PAK3: variants seen among roughly 807,000 people sequenced by gnomAD.
The protein encoded by PAK3 is p21 (RAC1) activated kinase 3.
A neutral mutation model predicts 41.0 loss-of-function variants in PAK3; 4 were observed. The ratio of observed to expected loss-of-function variants is 0.10; its 90% CI spans 0.05 to 0.22. The LOEUF is 0.22. Among genes scored for constraint, PAK3 ranks in the 10% least tolerant of loss-of-function variants. PAK3 has a pLI of 1.00. For synonymous variants in PAK3, 146 were observed against 139.6 expected, an observed-to-expected ratio of 1.05 and a Z score of -0.32; for missense variants, 205 against 409.9, an observed-to-expected ratio of 0.50 and a Z score of 4.32.
intron 16 of PAK3, 120 bp from the exon 17 acceptor site, chrX:111,216,301 C>G: frequency 3.8e-6 from 2 of 531,154 alleles, no homozygotes; most frequent in East Asian, 6.7e-5. Flanking sequence ...GTGTCATTCT[C>G]TAAAGTGGAA....
intron 1 of PAK3, among the ~76,000 whole-genome samples, chrX:111,035,141 AAG>A (rs1488462584): frequency 2.8e-5 from 1 of 36,132 alleles, no homozygotes; most frequent in Non-Finnish European, 7.9e-5. Flanking sequence ...AAAAGAAAGA[AAG>A]AAAGAAAGAA....
At chrX:111,088,315 T>C (rs937513881) in intron 1 of PAK3, among the ~76,000 whole-genome samples, 1 of 111,885 alleles carries the variant, frequency 8.9e-6, no homozygotes, top group African/African-American at 3.3e-5. Context: ...AAATACGTTG[T>C]CCAAGGTTAT....
At chrX:111,154,766 A>G (rs150131383) in intron 8 of PAK3, among the ~76,000 whole-genome samples, 18,070 of 110,767 alleles carry the variant, frequency 0.16, 3,131 homozygotes, top group African/African-American at 0.52. Flanking sequence ...AGGAAAATGG[A>G]AAGGACAAAA....
chrX:110,957,310 C>T (rs1363386055), intron 1 of PAK3, among the ~76,000 whole-genome samples: 1 of 111,878 alleles, frequency 8.9e-6, no homozygotes, highest in African/African-American at 3.3e-5. Flanking sequence ...ATTATAATAC[C>T]AGCTAACATA....
chrX:111,052,892 A>T (rs753621364), intron 1 of PAK3, among the ~76,000 whole-genome samples: 2 of 112,301 alleles, frequency 1.8e-5, no homozygotes, highest in African/African-American at 3.2e-5. Flanking sequence ...GCATGAAAAA[A>T]CAGCATATAT....
At chrX:111,174,375 A>G (rs1388056359) in intron 11 of PAK3, among the ~76,000 whole-genome samples, 1 of 111,094 alleles carries the variant, frequency 9.0e-6, no homozygotes, top group African/African-American at 3.3e-5. Context: ...CCTAAGGGGG[A>G]CAGAAACTCA....
chrX:111,036,763 C>A (rs768542529), intron 1 of PAK3, among the ~76,000 whole-genome samples: 19 of 111,091 alleles, frequency 1.7e-4, no homozygotes, highest in Non-Finnish European at 3.4e-4. Context: ...TCATTTAGTC[C>A]CCCGATTAAA....
intron 1 of PAK3, among the ~76,000 whole-genome samples, chrX:110,960,883 C>G (rs1602545545): frequency 8.9e-6 from 1 of 111,758 alleles, no homozygotes; most frequent in Non-Finnish European, 1.9e-5. Context: ...TCATCTAAAT[C>G]TCTCATCTGT....
intron 1 of PAK3, among the ~76,000 whole-genome samples, chrX:111,064,264 A>G (rs1240333561): frequency 1.8e-5 from 2 of 111,768 alleles, no homozygotes; most frequent in Non-Finnish European, 3.8e-5. Context: ...AGATCATTTT[A>G]TTTATTTACT....
At chrX:111,194,279 G>A (rs369735569) in intron 13 of PAK3, 22 bp from the exon 14 acceptor site, 5 of 950,887 alleles carry the variant, frequency 5.3e-6, no homozygotes, top group Non-Finnish European at 7.6e-6. Flanking sequence ...ATAAGGCAAA[G>A]TCTTTTCTTT....
At chrX:111,170,559 C>G (rs1407461545) in intron 10 of PAK3, among the ~76,000 whole-genome samples, 1 of 111,257 alleles carries the variant, frequency 9.0e-6, no homozygotes, top group East Asian at 2.8e-4. Context: ...TTTTCTTGTT[C>G]TCATTCATTT....
intron 4 of PAK3, among the ~76,000 whole-genome samples, chrX:111,122,557 A>G (rs2148999692): frequency 9.0e-6 from 1 of 111,152 alleles, no homozygotes; most frequent in East Asian, 2.8e-4. Flanking sequence ...TATCATAAAA[A>G]CAGGAGAGTG....
Position 111,123,065 on chromosome X carries a change from CCTTTT to C in PAK3, c.-27-7_-27-3del, listed in dbSNP as rs1569362901. The C allele has an allele frequency of 9.1e-7, 1 of 1,097,535 alleles. No individual in the cohort carries two copies. The allele number at this position is 1,097,535 out of a possible 1,213,427, so 90.4% of individuals were successfully genotyped here. ...CTCCCTCAACTCCTTTTTTTTCCCTCCTTTTCTTTAGGAGCTGTGAAATTAGTTGT... is the reference window on the plus strand; with the variant it reads ...CTCCCTCAACTCCTTTTTTTTCCCTCCTTTAGGAGCTGTGAAATTAGTTGT... On this transcript the variant is annotated splice_polypyrimidine_tract_variant and splice_region_variant and intron_variant, in intron 4 of 17. Coordinates refer to ENST00000372007, the MANE Select transcript of PAK3 (RefSeq NM_002578.5).
At chrX:111,002,989 G>T (rs910392908) in intron 1 of PAK3, among the ~76,000 whole-genome samples, 17 of 111,987 alleles carry the variant, frequency 1.5e-4, no homozygotes, top group African/African-American at 5.2e-4. Context: ...ACCAACTGGG[G>T]CTGGGGCCCT....
intron 4 of PAK3, among the ~76,000 whole-genome samples, chrX:111,106,401 C>T (rs2093266027): frequency 9.0e-6 from 1 of 111,504 alleles, no homozygotes; most frequent in Non-Finnish European, 1.9e-5. Flanking sequence ...CTCACAATCG[C>T]CATGCCACAT....
rs2094920849 is a variant in PAK3, at chrX:111,220,667, C to T, written c.*220C>T. The T allele has an allele frequency of 2.4e-6, 1 of 418,105 alleles. No homozygotes were observed. Among genetic ancestry groups the T allele is most frequent in the East Asian group, 3.9e-5 (1 of 25,349 alleles). 34.5% of individuals were successfully genotyped at this position (418,105 alleles called of 1,213,427 possible). ...AAACAGGGCAGCAATGTTGAAGTGA[C>T]CATAAAGTGGTCACTTCCACCGTGA... On this transcript the variant is annotated 3_prime_UTR_variant, in exon 18 of 18. Coordinates refer to ENST00000372007, the MANE Select transcript of PAK3 (RefSeq NM_002578.5).
At chrX:111,213,662 T>C (rs1263114029) in intron 16 of PAK3, among the ~76,000 whole-genome samples, 4 of 111,687 alleles carry the variant, frequency 3.6e-5, no homozygotes, top group Non-Finnish European at 7.5e-5. Flanking sequence ...TGGGCTTGGC[T>C]ACAGAGCAGG....
intron 8 of PAK3, 39 bp downstream of exon 8, chrX:111,152,486 T>A: frequency 1.1e-6 from 1 of 951,879 alleles, no homozygotes; most frequent in South Asian, 2.0e-5. Context: ...ATGATTGGTG[T>A]TTCCAAAGAT....
At chrX:111,201,093 A>T (rs1457734331) in intron 16 of PAK3, among the ~76,000 whole-genome samples, 4 of 111,851 alleles carry the variant, frequency 3.6e-5, no homozygotes, top group Non-Finnish European at 7.5e-5. Flanking sequence ...ACCCTGTTGA[A>T]TTCCACTGAT....
Sources: allele counts gnomAD v4.1 joint callset (sites outside exome capture counted in the v4.1 genomes callset), GRCh38; gene constraint gnomAD v4.1.1; transcripts MANE v1.5; gene names NCBI Gene and HGNC (gene_info 2026-07-23, HGNC 2026-07-21).